The following MRPL30 variants were observed in gnomAD, a reference collection of about 807,000 sequenced individuals.
The protein encoded by MRPL30 is mitochondrial ribosomal protein L30, also known as large ribosomal subunit protein uL30m.
MRPL30 carries 10 observed loss-of-function variants against 17.2 expected under a neutral mutation model. That is an observed-to-expected ratio of 0.58 (90% confidence interval 0.36 to 0.99). The LOEUF is 0.99. MRPL30 is among the 50% of genes least tolerant of loss of function. The pLI is 0.01. For missense variants in MRPL30, 170 were observed against 189.8 expected, an observed-to-expected ratio of 0.90 and a Z score of 0.61; for synonymous variants, 61 against 62.1, an observed-to-expected ratio of 0.98 and a Z score of 0.08.
chr2:99,196,659 A>G lies in MRPL30; in HGVS notation c.*954A>G, dbSNP rs1240505906. ...ACAATTTCTGTGAGTGGCTCTTTGCATGAACACTGTGCAAGGTGTTGGAGA... is the reference window on the plus strand; with the variant it reads ...ACAATTTCTGTGAGTGGCTCTTTGCGTGAACACTGTGCAAGGTGTTGGAGA... On this transcript the variant is annotated 3_prime_UTR_variant, in exon 6 of 6. Transcript: ENST00000338148. 6.6e-6 allele frequency: 1 copy of G among 152,234 alleles called. No individual in the cohort carries two copies. Among genetic ancestry groups the G allele is most frequent in the Non-Finnish European group, 1.5e-5 (1 of 68,062 alleles). The allele number at this position is 152,234 out of a possible 1,614,324, so 9.4% of individuals were successfully genotyped here.
At chr2:99,186,911 CCTT>C (rs946005064) in intron 2 of MRPL30, 4 of 152,178 alleles carry the variant, frequency 2.6e-5, no homozygotes, top group Non-Finnish European at 5.9e-5. Flanking sequence ...TCATGTGTCT[CCTT>C]CTAGGCTTGC....
intron 1 of MRPL30, among the ~76,000 whole-genome samples, chr2:99,183,661 G>C (rs537298514): frequency 1.3e-4 from 20 of 152,240 alleles, no homozygotes; most frequent in African/African-American, 4.6e-4. Flanking sequence ...TTTTTGAATA[G>C]TTTTAGATTT....
rs1432382706 is a variant in MRPL30 at position 99,194,775 on chromosome 2, C to A, written c.157C>A (p.His53Asn). The A allele has an allele frequency of 6.3e-7, 1 of 1,587,452 alleles. No homozygotes were observed. The highest frequency in any genetic ancestry group is 1.2e-5 in the South Asian group (1 of 84,902). Residue 53 changes from histidine to asparagine, a missense_variant, in exon 4 of 6, where the codon CAT becomes AAT. His to Asn is a moderately conservative substitution (Grantham distance 68). Transcript: ENST00000338148. ...EKVFQASPED[H>N]EKYGGDPQNP... ...GGTGTTTCAGGCCTCACCTGAAGAT[C>A]ATGAAAAATACGGTGGGGATCCACA...
intron 1 of MRPL30, chr2:99,185,778 A>G (rs1260237701): frequency 8.9e-6 from 4 of 449,952 alleles, no homozygotes; most frequent in Admixed American, 4.8e-5. Flanking sequence ...CATGATCCTC[A>G]TTCATAAAGT....
chr2:99,194,464 G>A, intron 3 of MRPL30, among the ~76,000 whole-genome samples: 1 of 152,160 alleles, frequency 6.6e-6, no homozygotes, highest in Non-Finnish European at 1.5e-5. Context: ...AGGGAGGGAA[G>A]AGGATGCAGC....
chr2:99,198,154 A>T lies in MRPL30; in HGVS notation c.*2449A>T, dbSNP rs2093958082. Reference sequence around the variant, plus strand: ...AATATGGGCATAGGCCAGCAGCATTAGCTTTCTATTGCTGCAGAACAAATT... The same window carrying T: ...AATATGGGCATAGGCCAGCAGCATTTGCTTTCTATTGCTGCAGAACAAATT... On this transcript the variant is annotated 3_prime_UTR_variant, in exon 6 of 6. Transcript: ENST00000338148. Among the ~76,000 whole-genome samples, 1 of 152,254 alleles carries T rather than the reference A, an allele frequency of 6.6e-6. No homozygotes were observed. The highest frequency in any genetic ancestry group is 1.5e-5 in the Non-Finnish European group (1 of 68,050).
At position 99,192,696 on chromosome 2, in the gene MRPL30, A is replaced by G. The variant is rs1229347941; in HGVS notation, c.133-2055A>G. On this transcript the variant is annotated intron_variant, in intron 3 of 5. Coordinates refer to ENST00000338148, the MANE Select transcript of MRPL30 (RefSeq NM_145212.4). ...TTGTAAGTACTGCTTCAATAAACAT[A>G]CATGTGCATGTGTCTTTATAGTAGA... Among the ~76,000 whole-genome samples, 11 of 152,222 alleles carry G rather than the reference A, an allele frequency of 7.2e-5. 1 individual carries two copies. The highest frequency in any genetic ancestry group is 7.2e-4 in the Admixed American group (11 of 15,282).
intron 3 of MRPL30, among the ~76,000 whole-genome samples, chr2:99,190,338 T>C (rs1423820593): frequency 6.6e-6 from 1 of 152,164 alleles, no homozygotes; most frequent in African/African-American, 2.4e-5. Flanking sequence ...GGCAGGAGGA[T>C]CTTTTGAGTC....
In MRPL30 at chr2:99,199,202, G is replaced by A. The variant is rs1490751899; in HGVS notation, c.*3497G>A. Among the ~76,000 whole-genome samples, 3 of 152,110 alleles carry A rather than the reference G, an allele frequency of 2.0e-5. No homozygotes were observed. Among genetic ancestry groups the A allele is most frequent in the African/African-American group, 4.8e-5 (2 of 41,432 alleles). On this transcript the variant is annotated 3_prime_UTR_variant, in exon 6 of 6. Coordinates refer to ENST00000338148, the MANE Select transcript of MRPL30 (RefSeq NM_145212.4). ...CTTTCCATACTTTGAGAATTAATAA[G>A]GACTAGCTTTTTGATCACACAGCTT... is the stretch of plus-strand genomic sequence containing the variant.
intron 3 of MRPL30, among the ~76,000 whole-genome samples, chr2:99,189,861 TC>T (rs2093941439): frequency 6.6e-6 from 1 of 152,082 alleles, no homozygotes; most frequent in Middle Eastern, 3.4e-3. Flanking sequence ...ATTACAACCA[TC>T]CATCTCCAGA....
At chr2:99,184,129 T>G (rs1388764420) in intron 1 of MRPL30, among the ~76,000 whole-genome samples, 2 of 152,246 alleles carry the variant, frequency 1.3e-5, no homozygotes, top group Non-Finnish European at 2.9e-5. Flanking sequence ...CAGTAATACT[T>G]TGTTACTTAT....
chr2:99,186,454 T>TC (rs1226672549), intron 2 of MRPL30, among the ~76,000 whole-genome samples, 200 bp downstream of exon 2: 3 of 152,198 alleles, frequency 2.0e-5, no homozygotes, highest in African/African-American at 7.2e-5. Context: ...TGCCTCAGCC[T>TC]CCTGAGTAGC....
chr2:99,195,526 C>A, intron 5 of MRPL30, 47 bp from the exon 6 acceptor site: 1 of 1,565,366 alleles, frequency 6.4e-7, no homozygotes, highest in South Asian at 1.2e-5. Flanking sequence ...GGATATAGAA[C>A]GCTAGAACGT....
In MRPL30 at chr2:99,199,060, G is replaced by A. The variant is rs1165632834; in HGVS notation, c.*3355G>A. On this transcript the variant is annotated 3_prime_UTR_variant, in exon 6 of 6. Coordinates refer to ENST00000338148, the MANE Select transcript of MRPL30 (RefSeq NM_145212.4). ...TTTAGGGAGATTTTGACATGAACAA[G>A]ATTGCTTCTTTGGGAGGTACCTTAA... Among the ~76,000 whole-genome samples the A allele has an allele frequency of 6.6e-6, 1 of 152,062 alleles. No homozygotes were observed. Among genetic ancestry groups the A allele is most frequent in the Non-Finnish European group, 1.5e-5 (1 of 68,012 alleles).
At chr2:99,185,146 G>A (rs1574843431) in intron 1 of MRPL30, among the ~76,000 whole-genome samples, 1 of 152,162 alleles carries the variant, frequency 6.6e-6, no homozygotes, top group African/African-American at 2.4e-5. Context: ...TAGATTGCAT[G>A]CTCCTTATAA....
chr2:99,181,500 C>G (rs1486261886), intron 1 of MRPL30, among the ~76,000 whole-genome samples: 1 of 152,018 alleles, frequency 6.6e-6, no homozygotes, highest in Non-Finnish European at 1.5e-5. Context: ...AGCTCAAGAA[C>G]GGAGCCGCCG....
chr2:99,189,066 T>G (rs905433555), intron 3 of MRPL30, among the ~76,000 whole-genome samples: 6 of 152,198 alleles, frequency 3.9e-5, no homozygotes, highest in Non-Finnish European at 1.5e-5. Context: ...GATTGGGAAG[T>G]ATGGAGAGTT....
Position 99,199,529 on chromosome 2 carries a change from A to G in MRPL30, c.*3824A>G, listed in dbSNP as rs1245701039. Among the ~76,000 whole-genome samples, 1 of 152,248 alleles carries G rather than the reference A, an allele frequency of 6.6e-6. No individual in the cohort carries two copies. Among genetic ancestry groups the G allele is most frequent in the Non-Finnish European group, 1.5e-5 (1 of 68,048 alleles). On this transcript the variant is annotated 3_prime_UTR_variant, in exon 6 of 6. Transcript: ENST00000338148. ...TTAAATGACATGAAATAAGTGCTCAAGAAGAAAAATAAACAATTCTTCATT... is the reference window on the plus strand; with the variant it reads ...TTAAATGACATGAAATAAGTGCTCAGGAAGAAAAATAAACAATTCTTCATT...
intron 3 of MRPL30, among the ~76,000 whole-genome samples, chr2:99,192,055 C>G (rs1203336296): frequency 6.6e-6 from 1 of 152,128 alleles, no homozygotes; most frequent in Non-Finnish European, 1.5e-5. Context: ...TACTCTTAAT[C>G]TTACCCACCC....
Sources: allele counts gnomAD v4.1 joint callset (sites outside exome capture counted in the v4.1 genomes callset), GRCh38; gene constraint gnomAD v4.1.1; transcripts MANE v1.5; gene names NCBI Gene and HGNC (gene_info 2026-07-23, HGNC 2026-07-21).